Variants in CNTN6 observed in about 807,000 individuals in gnomAD.
The protein encoded by CNTN6 is contactin-6.
CNTN6 carries 137 observed loss-of-function variants against 122.8 expected under a neutral mutation model. That is an observed-to-expected ratio of 1.12 (90% CI 0.97 to 1.29). The LOEUF (loss-of-function observed/expected upper bound fraction) is 1.29. Among genes scored for constraint, CNTN6 ranks in the 50% most tolerant of loss-of-function variants. The pLI is 0.00. For missense variants in CNTN6, 1,634 were observed against 1,223.4 expected (o/e 1.34, Z -5.01); for synonymous variants, 570 against 426.0 (o/e 1.34, Z -4.16).
intron 1 of CNTN6, among the ~76,000 whole-genome samples, chr3:1,130,548 T>TC (rs917147272): frequency 1.3e-5 from 2 of 152,056 alleles, no homozygotes; most frequent in African/African-American, 4.8e-5. Flanking sequence ...CTTCCAGTGG[T>TC]CCCCAGAGGA....
chr3:1,363,127 T>C (rs1034211269), intron 12 of CNTN6, among the ~76,000 whole-genome samples: 1 of 151,920 alleles, frequency 6.6e-6, no homozygotes, highest in Non-Finnish European at 1.5e-5. Flanking sequence ...ATTTAAGGGG[T>C]ACAACACCTT....
At chr3:1,295,854 G>T in intron 6 of CNTN6, 50 bp downstream of exon 6, 5 of 1,532,084 alleles carry the variant, frequency 3.3e-6, no homozygotes, top group Non-Finnish European at 3.6e-6. Context: ...GGCCCTTAAA[G>T]CCTGGGAAGA....
At chr3:1,188,827 A>G (rs1294996284) in intron 2 of CNTN6, among the ~76,000 whole-genome samples, 2 of 152,204 alleles carry the variant, frequency 1.3e-5, no homozygotes, top group Non-Finnish European at 2.9e-5. Flanking sequence ...CTTTTCTATT[A>G]GAAATCTTCC....
intron 12 of CNTN6, among the ~76,000 whole-genome samples, chr3:1,357,646 A>C (rs939359990): frequency 6.6e-6 from 1 of 151,930 alleles, no homozygotes; most frequent in African/African-American, 2.4e-5. Context: ...CATATTAAAA[A>C]ATGCATGAGA....
At position 1,381,118 on chromosome 3, in the gene CNTN6, C is replaced by T. The variant is rs78552998; in HGVS notation, c.2167-1824C>T. Reference sequence around the variant, plus strand: ...CATGAGAAACACTAATTGTACTTGACTAACAAAAACAAAACTCCCCTATTT... The same window carrying T: ...CATGAGAAACACTAATTGTACTTGATTAACAAAAACAAAACTCCCCTATTT... On this transcript the variant is annotated intron_variant, in intron 17 of 22. Coordinates refer to ENST00000446702, the MANE Select transcript of CNTN6 (RefSeq NM_001289080.2). 8.1e-3 allele frequency among the ~76,000 whole-genome samples: 1,229 copies of T among 152,192 alleles called. 23 individuals are homozygous for T. Among genetic ancestry groups the T allele is most frequent in the African/African-American group, 0.028 (1,170 of 41,530 alleles).
chr3:1,153,777 T>C (rs1022776298), intron 2 of CNTN6, among the ~76,000 whole-genome samples: 2 of 152,218 alleles, frequency 1.3e-5, no homozygotes, highest in Non-Finnish European at 2.9e-5. Flanking sequence ...AAATATTCAC[T>C]ATGACCAAGA....
chr3:1,219,941 G>A (rs1452928790), intron 2 of CNTN6, among the ~76,000 whole-genome samples: 2 of 151,640 alleles, frequency 1.3e-5, no homozygotes, highest in Admixed American at 1.3e-4. Flanking sequence ...GGTTGAGGCT[G>A]CAGTGAGCTG....
chr3:1,171,683 T>C (rs1174776343), intron 2 of CNTN6, among the ~76,000 whole-genome samples: 1 of 152,148 alleles, frequency 6.6e-6, no homozygotes, highest in Non-Finnish European at 1.5e-5. Context: ...ACAAATTCAT[T>C]GCAGCCTCGA....
At chr3:1,131,663 G>A (rs2125101855) in intron 1 of CNTN6, among the ~76,000 whole-genome samples, 1 of 152,222 alleles carries the variant, frequency 6.6e-6, no homozygotes. Context: ...CTGAGACAGA[G>A]GTGGTCATTC....
At chr3:1,376,360 A>C (rs1709865531) in intron 16 of CNTN6, among the ~76,000 whole-genome samples, 1 of 152,052 alleles carries the variant, frequency 6.6e-6, no homozygotes, top group Admixed American at 6.6e-5. Flanking sequence ...TGGTTTCTGA[A>C]TCCTCTACCA....
chr3:1,253,656 G>A (rs2094706381), intron 4 of CNTN6, among the ~76,000 whole-genome samples: 1 of 152,118 alleles, frequency 6.6e-6, no homozygotes, highest in African/African-American at 2.4e-5. Flanking sequence ...TTCTCATAAG[G>A]AGTGCACAAC....
At chr3:1,138,547 A>C (rs2092538017) in intron 1 of CNTN6, among the ~76,000 whole-genome samples, 1 of 152,128 alleles carries the variant, frequency 6.6e-6, no homozygotes, top group Non-Finnish European at 1.5e-5. Flanking sequence ...TGACAATTAT[A>C]GCAAAACAGA....
chr3:1,300,703 C>G (rs536582911), intron 7 of CNTN6, among the ~76,000 whole-genome samples: 1 of 152,056 alleles, frequency 6.6e-6, no homozygotes, highest in South Asian at 2.1e-4. Flanking sequence ...TTATATTATT[C>G]AAACCTATAG....
At chr3:1,361,903 T>C (rs1241893166) in intron 12 of CNTN6, among the ~76,000 whole-genome samples, 1 of 152,060 alleles carries the variant, frequency 6.6e-6, no homozygotes, top group African/African-American at 2.4e-5. Context: ...TGTCAATTCC[T>C]AAGCAGTATA....
At chr3:1,206,172 CT>C (rs2093955604) in intron 2 of CNTN6, among the ~76,000 whole-genome samples, 1 of 152,090 alleles carries the variant, frequency 6.6e-6, no homozygotes, top group African/African-American at 2.4e-5. Flanking sequence ...TCACATATCT[CT>C]AATCCAAATA....
chr3:1,328,918 G>T (rs546586598), intron 10 of CNTN6, among the ~76,000 whole-genome samples: 1 of 151,536 alleles, frequency 6.6e-6, no homozygotes, highest in Non-Finnish European at 1.5e-5. Context: ...CATATATTTA[G>T]TGGGGAAAAA....
chr3:1,168,042 G>A (rs1308321107), intron 2 of CNTN6, among the ~76,000 whole-genome samples: 3 of 151,982 alleles, frequency 2.0e-5, no homozygotes, highest in East Asian at 3.9e-4. Flanking sequence ...CAAGTAGTTG[G>A]TACTAGAGGT....
intron 2 of CNTN6, chr3:1,173,415 T>A (rs2093396186): frequency 2.6e-6 from 1 of 382,998 alleles, no homozygotes. Context: ...TTATTTCATT[T>A]AATCCTCAGA....
intron 2 of CNTN6, among the ~76,000 whole-genome samples, chr3:1,199,687 GAC>G (rs1295849784): frequency 6.6e-6 from 1 of 152,164 alleles, no homozygotes; most frequent in African/African-American, 2.4e-5. Context: ...TTGGAACACA[GAC>G]GGGAGGAGAT....
Sources: allele counts gnomAD v4.1 joint callset (sites outside exome capture counted in the v4.1 genomes callset), GRCh38; gene constraint gnomAD v4.1.1; transcripts MANE v1.5; gene names NCBI Gene and HGNC (gene_info 2026-07-23, HGNC 2026-07-21).